The following PRELID2 variants were observed in gnomAD, a reference collection of about 807,000 sequenced individuals.
The protein encoded by PRELID2 is PRELI domain-containing protein 2.
A neutral mutation model predicts 28.4 loss-of-function variants in PRELID2; 25 were observed. The ratio of observed to expected loss-of-function variants is 0.88; its 90% CI spans 0.64 to 1.23. The LOEUF (loss-of-function observed/expected upper bound fraction) is 1.23, where lower values mean the gene tolerates loss of function less well. PRELID2 is among the 50% of genes most tolerant of loss of function. The pLI is 0.00. For synonymous variants in PRELID2, 76 were observed against 71.6 expected, an observed-to-expected ratio of 1.06 and a Z score of -0.31; for missense variants, 201 against 214.4, an observed-to-expected ratio of 0.94 and a Z score of 0.39.
chr5:145,520,006 C>G (rs1303232709), intron 1 of PRELID2, among the ~76,000 whole-genome samples: 1 of 152,158 alleles, frequency 6.6e-6, no homozygotes, highest in African/African-American at 2.4e-5. Flanking sequence ...ACTTGGCTCT[C>G]AATGGTGAGC....
the PRELID2 span, among the ~76,000 whole-genome samples, chr5:145,330,445 T>C: frequency 4.6e-5 from 7 of 152,360 alleles, no homozygotes; most frequent in East Asian, 1.4e-3. Flanking sequence ...CTGCCTCAAT[T>C]TCAGAACTTG....
At chr5:145,446,001 G>A in the PRELID2 span, among the ~76,000 whole-genome samples, 1 of 151,976 alleles carries the variant, frequency 6.6e-6, no homozygotes, top group Non-Finnish European at 1.5e-5. Context: ...GACATAGGGA[G>A]AAATTTGTTA....
At chr5:145,703,645 A>G (rs748787012) in intron 1 of PRELID2, among the ~76,000 whole-genome samples, 12 of 152,362 alleles carry the variant, frequency 7.9e-5, no homozygotes, top group East Asian at 1.9e-4. Context: ...TAGGTCCATT[A>G]CAGTCTAATC....
intron 1 of PRELID2, among the ~76,000 whole-genome samples, chr5:145,699,309 T>C (rs567832505): frequency 6.6e-6 from 1 of 152,124 alleles, no homozygotes; most frequent in Admixed American, 6.5e-5. Context: ...CGCTGAGGAT[T>C]TGGGAAAACT....
intron 2 of PRELID2, chr5:145,472,226 T>C (rs573107828): frequency 1.3e-5 from 2 of 152,226 alleles, no homozygotes; most frequent in African/African-American, 4.8e-5. Context: ...AAGAAAATTA[T>C]GGTATGATTA....
chr5:145,741,700 A>ATTTATAT (rs1561568437), intron 1 of PRELID2, among the ~76,000 whole-genome samples: 1 of 4,002 alleles, frequency 2.5e-4, no homozygotes, highest in African/African-American at 5.8e-4. Context: ...TTTATATATA[A>ATTTATAT]ATAATTTATT....
the PRELID2 span, among the ~76,000 whole-genome samples, chr5:145,321,333 A>G: frequency 6.6e-6 from 1 of 152,226 alleles, no homozygotes; most frequent in South Asian, 2.1e-4. Context: ...TTCTAGAGAA[A>G]CAATTTAGGT....
At chr5:145,817,204 TAA>T (rs1491455502) in intron 4 of PRELID2, among the ~76,000 whole-genome samples, 1,515 of 62,172 alleles carry the variant, frequency 0.024, 123 homozygotes, top group South Asian at 0.051. Context: ...AAAAAATAAA[TAA>T]ATAAATAAAA....
the PRELID2 span, among the ~76,000 whole-genome samples, chr5:145,363,377 T>C: frequency 6.6e-6 from 1 of 152,204 alleles, no homozygotes; most frequent in Non-Finnish European, 1.5e-5. Flanking sequence ...ACAGCCTCTT[T>C]ATATTCTAAA....
chr5:145,356,237 A>G, the PRELID2 span, among the ~76,000 whole-genome samples: 1 of 152,188 alleles, frequency 6.6e-6, no homozygotes, highest in Non-Finnish European at 1.5e-5. Context: ...AGTCTTCCAC[A>G]GTATAGAGTA....
the PRELID2 span, among the ~76,000 whole-genome samples, chr5:145,243,904 C>A: frequency 6.6e-6 from 1 of 152,090 alleles, no homozygotes; most frequent in East Asian, 1.9e-4. Flanking sequence ...GTCATATTTA[C>A]TTCCTCAGCA....
chr5:145,238,709 C>A, the PRELID2 span, among the ~76,000 whole-genome samples: 1 of 152,034 alleles, frequency 6.6e-6, no homozygotes, highest in Non-Finnish European at 1.5e-5. Context: ...AAGGTCTCCC[C>A]TGTTATGTCC....
At chr5:145,401,422 G>A in the PRELID2 span, among the ~76,000 whole-genome samples, 4 of 152,070 alleles carry the variant, frequency 2.6e-5, no homozygotes, top group East Asian at 1.9e-4. Context: ...CTATTAATCC[G>A]GTGTTCAAAT....
chr5:145,748,734 G>T (rs897596552), intron 1 of PRELID2, among the ~76,000 whole-genome samples: 1 of 152,106 alleles, frequency 6.6e-6, no homozygotes, highest in African/African-American at 2.4e-5. Context: ...ATACTACAAG[G>T]CTACAATAAC....
chr5:145,360,232 G>T, the PRELID2 span, among the ~76,000 whole-genome samples: 1 of 152,172 alleles, frequency 6.6e-6, no homozygotes, highest in Non-Finnish European at 1.5e-5. Flanking sequence ...TGGATTCAAG[G>T]GTAGGTCGGC....
the PRELID2 span, chr5:145,229,154 G>T: frequency 1.0e-6 from 1 of 998,944 alleles, no homozygotes; most frequent in Non-Finnish European, 1.6e-6. Context: ...CCAAGTGTGT[G>T]TCCCACAGCC....
At chr5:145,343,255 T>C in the PRELID2 span, among the ~76,000 whole-genome samples, 1 of 152,126 alleles carries the variant, frequency 6.6e-6, no homozygotes, top group South Asian at 2.1e-4. Flanking sequence ...TTCTCTTAGA[T>C]AGGCCACATG....
chr5:145,328,383 T>A, the PRELID2 span, among the ~76,000 whole-genome samples: 2 of 152,218 alleles, frequency 1.3e-5, no homozygotes, highest in African/African-American at 4.8e-5. Context: ...ACGGTTGAAC[T>A]AATTTACACT....
At chr5:145,489,960 C>G (rs554838513) in intron 1 of PRELID2, among the ~76,000 whole-genome samples, 2 of 152,200 alleles carry the variant, frequency 1.3e-5, no homozygotes, top group East Asian at 3.9e-4. Flanking sequence ...ATATAAAGAA[C>G]GACTTTGCAT....
Sources: gnomAD v4.1 joint callset for allele counts (sites outside exome capture counted in the v4.1 genomes callset) on GRCh38, gnomAD v4.1.1 for gene constraint, MANE v1.5 for transcripts, NCBI Gene and HGNC (gene_info 2026-07-23, HGNC 2026-07-21) for gene names.